Variants in MSN observed in about 807,000 individuals in gnomAD.
MSN encodes epididymis luminal protein 70.
Under a neutral mutation model 48.0 loss-of-function variants are expected in MSN, and 2 were observed. The observed-to-expected ratio is 0.04, with a 90% CI of 0.02 to 0.13. The LOEUF is 0.13. Ranked by LOEUF, MSN falls within the 10% of genes least tolerant of loss-of-function variation. The pLI is 1.00. For missense variants in MSN, 267 were observed against 470.1 expected (o/e 0.57, Z 3.99); for synonymous variants, 146 against 166.9 (o/e 0.87, Z 0.97).
At chrX:65,696,031 C>A (rs1198583304) in intron 1 of MSN, among the ~76,000 whole-genome samples, 1 of 111,295 alleles carries the variant, frequency 9.0e-6, no homozygotes, top group Admixed American at 9.6e-5. Flanking sequence ...CTATCTCAAG[C>A]AACCTTCTGC....
At chrX:65,622,292 G>T (rs1378860551) in intron 1 of MSN, among the ~76,000 whole-genome samples, 2 of 107,589 alleles carry the variant, frequency 1.9e-5, no homozygotes, top group African/African-American at 3.4e-5. Flanking sequence ...TAGATGTGGG[G>T]TTTCACCATG....
chrX:65,710,926 C>G (rs1391742564), intron 1 of MSN, among the ~76,000 whole-genome samples: 3 of 101,012 alleles, frequency 3.0e-5, no homozygotes, highest in African/African-American at 1.1e-4. Flanking sequence ...CTCTTTTTGC[C>G]CAGGCTGGAG....
chrX:65,619,786 G>C (rs2070416347), intron 1 of MSN, among the ~76,000 whole-genome samples: 1 of 109,257 alleles, frequency 9.2e-6, no homozygotes. Flanking sequence ...GAGGTGCTCT[G>C]CTTTTTAGAG....
Position 65,687,901 on chromosome X carries a change from C to A in MSN, c.12+20048C>A, listed in dbSNP as rs1190759286. Among the ~76,000 whole-genome samples the A allele has an allele frequency of 2.7e-5, 3 of 111,965 alleles. No individual in the cohort carries two copies. In the Admixed American group the frequency reaches 2.9e-4, roughly 11 times the overall value. On this transcript the variant is annotated intron_variant, in intron 1 of 12. Transcript: ENST00000360270. ...AAAATCTTAAAAGAGCCATTAGGAA[C>A]CTCTTGGGGCAAGTTCTTCTGGAAC...
At chrX:65,595,958 G>A (rs1408635199) in intron 1 of MSN, among the ~76,000 whole-genome samples, 3 of 111,669 alleles carry the variant, frequency 2.7e-5, no homozygotes, top group African/African-American at 6.5e-5. Flanking sequence ...CTGAGGCCCC[G>A]GAAAGAAGTT....
intron 1 of MSN, among the ~76,000 whole-genome samples, chrX:65,622,954 A>G (rs1450310492): frequency 1.6e-4 from 18 of 111,637 alleles, no homozygotes; most frequent in African/African-American, 5.5e-4. Context: ...GAGTGTTTTT[A>G]TCATCAAAAG....
Position 65,740,567 on chromosome X carries a change from G to A in MSN, c.*674G>A, listed in dbSNP as rs913010414. 12 of 172,368 alleles carry A rather than the reference G, an allele frequency of 7.0e-5. No homozygotes were observed. Among genetic ancestry groups the A allele is most frequent in the Non-Finnish European group, 1.2e-4 (11 of 90,524 alleles). The allele number at this position is 172,368 out of a possible 1,213,427, so 14.2% of individuals were successfully genotyped here. ...TGGATGGGGGAAATGGTGCCTTCAAGACCTTCACCAAACATACTAGAAGGG... is the reference window on the plus strand; with the variant it reads ...TGGATGGGGGAAATGGTGCCTTCAAAACCTTCACCAAACATACTAGAAGGG... On this transcript the variant is annotated 3_prime_UTR_variant, in exon 13 of 13. Transcript: ENST00000360270.
intron 1 of MSN, among the ~76,000 whole-genome samples, chrX:65,689,980 G>T (rs1172100897): frequency 9.0e-6 from 1 of 111,506 alleles, no homozygotes; most frequent in Non-Finnish European, 1.9e-5. Flanking sequence ...TATAGTAGGG[G>T]GCTGAGTTTT....
At chrX:65,620,022 G>A (rs1396600326) in intron 1 of MSN, among the ~76,000 whole-genome samples, 1 of 111,767 alleles carries the variant, frequency 8.9e-6, no homozygotes, top group Non-Finnish European at 1.9e-5. Flanking sequence ...GGCTGCTCGG[G>A]GATCAGGGGT....
chrX:65,664,367 C>T (rs917434188), upstream of MSN, among the ~76,000 whole-genome samples: 1 of 111,757 alleles, frequency 8.9e-6, no homozygotes, highest in Admixed American at 9.5e-5. Flanking sequence ...CTAATGAGTA[C>T]TATGCTCACT....
rs2071716836 is a variant in MSN at position 65,739,759 on chromosome X, G to A, written c.1600G>A (p.Asp534Asn). Residue 534 changes from aspartate to asparagine, a missense_variant, in exon 13 of 13, where the codon GAT becomes AAT. Physicochemically the swap from Asp to Asn is conservative, Grantham distance 23. Transcript: ENST00000360270. The part of the protein sequence containing the change: ...ALTSELANAR[D>N]ESKKTANDMI... ...CACTTCGGAGCTGGCCAATGCCAGA[G>A]ATGAGTCCAAGAAGACTGCCAATGA... is the stretch of plus-strand genomic sequence containing the variant. 8.3e-7 allele frequency: 1 copy of A among 1,210,778 alleles called. No individual in the cohort carries two copies. The highest frequency in any genetic ancestry group is 1.1e-6 in the Non-Finnish European group (1 of 894,878).
intron 2 of MSN, among the ~76,000 whole-genome samples, chrX:65,717,288 G>C (rs2071475862): frequency 8.9e-6 from 1 of 111,819 alleles, no homozygotes; most frequent in African/African-American, 3.3e-5. Context: ...TATTTGGCTG[G>C]GATTTGCACT....
intron 1 of MSN, among the ~76,000 whole-genome samples, chrX:65,679,869 G>A (rs780720163): frequency 1.8e-5 from 2 of 112,541 alleles, no homozygotes; most frequent in African/African-American, 6.4e-5. Flanking sequence ...CAAGTTCCTT[G>A]GGCATCCTTG....
intron 1 of MSN, among the ~76,000 whole-genome samples, chrX:65,596,791 C>A (rs1275020874): frequency 9.1e-6 from 1 of 109,415 alleles, no homozygotes; most frequent in Admixed American, 9.8e-5. Context: ...GGAGTGTCTG[C>A]ATAAATACCC....
intron 1 of MSN, among the ~76,000 whole-genome samples, chrX:65,689,021 A>G (rs1332254562): frequency 9.0e-6 from 1 of 111,689 alleles, no homozygotes; most frequent in East Asian, 2.8e-4. Flanking sequence ...CATCAATCCA[A>G]CTTTTTGTTG....
At chrX:65,649,747 G>C (rs1602751209) in intron 1 of MSN, among the ~76,000 whole-genome samples, 1 of 107,425 alleles carries the variant, frequency 9.3e-6, no homozygotes, top group Non-Finnish European at 1.9e-5. Context: ...ATGTGGCCTT[G>C]AGCTGGGCTC....
chrX:65,738,441 G>T lies in MSN; in HGVS notation c.1252-84G>T. Reference sequence around the variant, plus strand: ...AAGTGGAGCAGTAGGTCCCTTACTAGTCCCCCAGGGGACTTGGGTTGAAGA... The same window carrying T: ...AAGTGGAGCAGTAGGTCCCTTACTATTCCCCCAGGGGACTTGGGTTGAAGA... On this transcript the variant is annotated intron_variant, in intron 10 of 12. Coordinates refer to ENST00000360270, the MANE Select transcript of MSN (RefSeq NM_002444.3). The T allele has an allele frequency of 1.2e-6, 1 of 812,857 alleles. No individual in the cohort carries two copies. The highest frequency in any genetic ancestry group is 3.5e-5 in the East Asian group (1 of 28,981). The allele number at this position is 812,857 out of a possible 1,213,427, so 67.0% of individuals were successfully genotyped here.
At chrX:65,684,084 G>A (rs1219682278) in intron 1 of MSN, among the ~76,000 whole-genome samples, 1 of 109,285 alleles carries the variant, frequency 9.2e-6, no homozygotes, top group Non-Finnish European at 1.9e-5. Context: ...GGGGTTATAG[G>A]TGCCTGCCAC....
chrX:65,690,384 G>A (rs2071160949), intron 1 of MSN, among the ~76,000 whole-genome samples: 1 of 111,473 alleles, frequency 9.0e-6, no homozygotes, highest in African/African-American at 3.3e-5. Flanking sequence ...TTGGTCAGAG[G>A]TCCAGAAGGA....
Sources: allele counts gnomAD v4.1 joint callset (sites outside exome capture counted in the v4.1 genomes callset), GRCh38; gene constraint gnomAD v4.1.1; transcripts MANE v1.5; gene names NCBI Gene and HGNC (gene_info 2026-07-23, HGNC 2026-07-21).